GRIK4: variants seen among roughly 807,000 people sequenced by gnomAD.
GRIK4 encodes glutamate receptor ionotropic, kainate 4.
A neutral mutation model predicts 104.9 loss-of-function variants in GRIK4; 40 were observed. The observed-to-expected ratio is 0.38, with a 90% CI of 0.30 to 0.50. The LOEUF (loss-of-function observed/expected upper bound fraction) is 0.50, where lower values mean the gene tolerates loss of function less well. Ranked by LOEUF, GRIK4 falls within the 20% of genes least tolerant of loss-of-function variation. The pLI, the probability that GRIK4 is intolerant of heterozygous loss-of-function variation, is 0.93. For missense variants in GRIK4, 1,047 were observed against 1,308.1 expected, an observed-to-expected ratio of 0.80 and a Z score of 3.08; for synonymous variants, 485 against 524.9, an observed-to-expected ratio of 0.92 and a Z score of 1.04.
At chr11:120,720,139 G>A (rs73588361) in intron 3 of GRIK4, among the ~76,000 whole-genome samples, 11,060 of 152,178 alleles carry the variant, frequency 0.073, 558 homozygotes, top group African/African-American at 0.14. Context: ...GGTTGTGTGT[G>A]TTGTGGGGGG....
intron 19 of GRIK4, among the ~76,000 whole-genome samples, chr11:120,977,623 T>C (rs1944583239): frequency 6.6e-6 from 1 of 152,194 alleles, no homozygotes; most frequent in Admixed American, 6.5e-5. Context: ...CTTGCTTCTA[T>C]GAGGAGGAGG....
chr11:120,817,208 A>G (rs1231375461), intron 5 of GRIK4, among the ~76,000 whole-genome samples: 13 of 151,388 alleles, frequency 8.6e-5, no homozygotes, highest in Non-Finnish European at 4.4e-5. Context: ...CCACTCCAAT[A>G]TGGCCTCCTT....
At chr11:120,834,450 G>A (rs975287977) in intron 7 of GRIK4, among the ~76,000 whole-genome samples, 3 of 152,192 alleles carry the variant, frequency 2.0e-5, no homozygotes, top group African/African-American at 7.2e-5. Context: ...GAGCAGCAAG[G>A]CTTCAGGAAA....
intron 1 of GRIK4, among the ~76,000 whole-genome samples, chr11:120,644,584 T>C (rs1484998796): frequency 1.3e-5 from 2 of 152,156 alleles, no homozygotes; most frequent in Non-Finnish European, 1.5e-5. Flanking sequence ...GCCTGGAATA[T>C]CGCTGCCTCT....
intron 8 of GRIK4, 42 bp from the exon 9 acceptor site, chr11:120,861,917 C>T (rs746034583): frequency 1.4e-5 from 21 of 1,523,940 alleles, no homozygotes; most frequent in Admixed American, 1.3e-4. Flanking sequence ...CACTTCACCC[C>T]TTCCTAACTA....
chr11:120,888,343 C>T (rs1033197177), intron 11 of GRIK4, among the ~76,000 whole-genome samples: 3 of 152,138 alleles, frequency 2.0e-5, no homozygotes, highest in East Asian at 1.9e-4. Flanking sequence ...GAAACCCAAC[C>T]TCTCAGAGCC....
chr11:120,928,830 A>T (rs928778466), intron 13 of GRIK4, among the ~76,000 whole-genome samples: 3 of 152,176 alleles, frequency 2.0e-5, no homozygotes, highest in Non-Finnish European at 2.9e-5. Flanking sequence ...CCTGCGGATG[A>T]CATTGCCACT....
chr11:120,874,778 C>G (rs994796575), intron 10 of GRIK4, among the ~76,000 whole-genome samples: 1 of 152,118 alleles, frequency 6.6e-6, no homozygotes, highest in Non-Finnish European at 1.5e-5. Context: ...TCCTGTGGAC[C>G]TGGGGGTGGG....
chr11:120,563,794 A>T (rs936517956), intron 1 of GRIK4, among the ~76,000 whole-genome samples: 1 of 152,166 alleles, frequency 6.6e-6, no homozygotes, highest in African/African-American at 2.4e-5. Flanking sequence ...TGAGCTACCC[A>T]GGGCTCTGGA....
chr11:120,912,903 G>C (rs1253305384), intron 13 of GRIK4, among the ~76,000 whole-genome samples: 1 of 152,140 alleles, frequency 6.6e-6, no homozygotes, highest in Non-Finnish European at 1.5e-5. Context: ...TTCAGAAAAG[G>C]GTTTTGGAGT....
intron 3 of GRIK4, among the ~76,000 whole-genome samples, chr11:120,755,593 G>A (rs1951637890): frequency 6.6e-6 from 1 of 151,400 alleles, no homozygotes; most frequent in Non-Finnish European, 1.5e-5. Flanking sequence ...GGGTGACAGA[G>A]GCAAGCAAGA....
intron 3 of GRIK4, among the ~76,000 whole-genome samples, chr11:120,718,406 G>A (rs1950874731): frequency 6.6e-6 from 1 of 152,194 alleles, no homozygotes; most frequent in African/African-American, 2.4e-5. Flanking sequence ...TTTTCCCTGA[G>A]GACAGAGCAA....
chr11:120,946,659 G>A (rs748133091), intron 14 of GRIK4, among the ~76,000 whole-genome samples: 1 of 152,224 alleles, frequency 6.6e-6, no homozygotes, highest in Non-Finnish European at 1.5e-5. Context: ...AACAGTGCCC[G>A]GAAGCAGGTA....
chr11:120,793,720 T>C (rs1591921230), intron 3 of GRIK4, among the ~76,000 whole-genome samples: 1 of 146,188 alleles, frequency 6.8e-6, no homozygotes, highest in Non-Finnish European at 1.5e-5. Flanking sequence ...AGGTGAAGGG[T>C]GGTGTTAGGG....
chr11:120,518,126 C>T (rs527907198), intron 1 of GRIK4, among the ~76,000 whole-genome samples: 1 of 152,242 alleles, frequency 6.6e-6, no homozygotes, highest in East Asian at 1.9e-4. Context: ...GTGTCTCCCT[C>T]CCAACCTCCA....
intron 1 of GRIK4, among the ~76,000 whole-genome samples, chr11:120,627,079 C>A (rs1215561705): frequency 6.6e-6 from 1 of 152,174 alleles, no homozygotes; most frequent in East Asian, 1.9e-4. Context: ...TTCTTGAGAG[C>A]CCCGGTCTGT....
chr11:120,844,389 G>A (rs192096156), intron 8 of GRIK4, among the ~76,000 whole-genome samples: 4 of 152,202 alleles, frequency 2.6e-5, no homozygotes, highest in East Asian at 3.9e-4. Context: ...ATTTTTCTAC[G>A]CTAACCTTTC....
At chr11:120,698,761 G>A (rs987918683) in intron 3 of GRIK4, among the ~76,000 whole-genome samples, 2 of 152,146 alleles carry the variant, frequency 1.3e-5, no homozygotes, top group African/African-American at 4.8e-5. Context: ...GCACTCCCAA[G>A]TCTCTGACTT....
intron 1 of GRIK4, among the ~76,000 whole-genome samples, chr11:120,609,005 T>C (rs996025404): frequency 6.6e-6 from 1 of 152,220 alleles, no homozygotes; most frequent in Non-Finnish European, 1.5e-5. Context: ...TAGCCACCAG[T>C]GCCTGTAACA....
Sources: gnomAD v4.1 joint callset for allele counts (sites outside exome capture counted in the v4.1 genomes callset) on GRCh38, gnomAD v4.1.1 for gene constraint, MANE v1.5 for transcripts, NCBI Gene and HGNC (gene_info 2026-07-23, HGNC 2026-07-21) for gene names.